MAOB: variants seen among roughly 807,000 people sequenced by gnomAD.
The protein encoded by MAOB is amine oxidase [flavin-containing] B.
Under a neutral mutation model 41.9 loss-of-function variants are expected in MAOB, and 15 were observed. The ratio of observed to expected loss-of-function variants is 0.36; its 90% confidence interval spans 0.24 to 0.55. The LOEUF (loss-of-function observed/expected upper bound fraction) is 0.55, where lower values mean the gene tolerates loss of function less well. MAOB is among the 20% of genes least tolerant of loss of function. MAOB has a pLI of 0.86. For missense variants in MAOB, 345 were observed against 398.7 expected, an observed-to-expected ratio of 0.87 and a Z score of 1.15; for synonymous variants, 167 against 144.2, an observed-to-expected ratio of 1.16 and a Z score of -1.13.
At position 43,767,493 on chromosome X, in the gene MAOB, G is replaced by C; in HGVS notation, c.1536C>G (p.His512Gln). The change falls in exon 15 of 15, where the codon CAC becomes CAG. Residue 512 changes from histidine to glutamine, a missense_variant. By Grantham distance (24) the His-to-Gln change is conservative (BLOSUM62 0). Coordinates refer to ENST00000378069, the MANE Select transcript of MAOB (RefSeq NM_000898.5). ...AGACTCTCACAAGTAGCCCCCTTTT[G>C]TGGGCCAGGAAGCCAAGAGCCGTTG... ...FSATALGFLA[H>Q]KRGLLVRV 1.7e-6 allele frequency: 2 copies of C among 1,210,205 alleles called. No individual in the cohort carries two copies. The highest frequency in any genetic ancestry group is 2.2e-6 in the Non-Finnish European group (2 of 894,900).
At chrX:43,816,063 G>A (rs1279229868) in intron 3 of MAOB, among the ~76,000 whole-genome samples, 1 of 111,820 alleles carries the variant, frequency 8.9e-6, no homozygotes, top group Admixed American at 9.5e-5. Context: ...ACTCCTAATA[G>A]CATGATTGAA....
At chrX:43,788,014 T>C (rs1027831761) in intron 8 of MAOB, among the ~76,000 whole-genome samples, 1 of 111,397 alleles carries the variant, frequency 9.0e-6, no homozygotes, top group Admixed American at 9.6e-5. Flanking sequence ...GGGTAATATA[T>C]GAAGGAAAGA....
chrX:43,808,685 T>G (rs1330064649), intron 3 of MAOB, among the ~76,000 whole-genome samples: 22 of 98,928 alleles, frequency 2.2e-4, no homozygotes, highest in South Asian at 1.4e-3. Flanking sequence ...TATCTATATC[T>G]ATATCTACAC....
chrX:43,773,013 G>A (rs946052358), intron 12 of MAOB, among the ~76,000 whole-genome samples: 1 of 111,954 alleles, frequency 8.9e-6, no homozygotes, highest in Non-Finnish European at 1.9e-5. Context: ...TTCTTTATAA[G>A]TTCCCCAGAC....
intron 5 of MAOB, among the ~76,000 whole-genome samples, chrX:43,800,002 T>A (rs1430655068): frequency 8.9e-6 from 1 of 112,036 alleles, no homozygotes; most frequent in African/African-American, 3.2e-5. Context: ...GAATGTATGA[T>A]TGTGCTTTAG....
chrX:43,777,563 G>GAA (rs1170030807), intron 11 of MAOB, among the ~76,000 whole-genome samples: 1 of 111,428 alleles, frequency 9.0e-6, no homozygotes, highest in Non-Finnish European at 1.9e-5. Flanking sequence ...TTAAAATAGT[G>GAA]AACAAAAATG....
intron 3 of MAOB, among the ~76,000 whole-genome samples, chrX:43,824,763 G>A (rs191115446): frequency 1.7e-3 from 187 of 112,937 alleles, no homozygotes; most frequent in African/African-American, 5.1e-3. Context: ...GTGAATTGCC[G>A]TCCATGAAGA....
At chrX:43,801,397 C>A (rs1038834657) in intron 5 of MAOB, among the ~76,000 whole-genome samples, 3 of 111,329 alleles carry the variant, frequency 2.7e-5, no homozygotes, top group African/African-American at 9.8e-5. Context: ...AAGACATTAA[C>A]CCCCGAGCCA....
At chrX:43,830,075 TA>T (rs1209994679) in intron 3 of MAOB, among the ~76,000 whole-genome samples, 1 of 112,449 alleles carries the variant, frequency 8.9e-6, no homozygotes, top group Non-Finnish European at 1.9e-5. Context: ...AAATGTATTA[TA>T]AAAATTAGTT....
intron 5 of MAOB, among the ~76,000 whole-genome samples, chrX:43,801,626 C>A (rs1419710129): frequency 8.9e-6 from 1 of 112,392 alleles, no homozygotes; most frequent in Non-Finnish European, 1.9e-5. Flanking sequence ...GTTCTGCCAA[C>A]AAGAATTTAA....
intron 3 of MAOB, among the ~76,000 whole-genome samples, chrX:43,819,107 A>G (rs904875283): frequency 2.3e-4 from 26 of 112,001 alleles, no homozygotes; most frequent in Non-Finnish European, 7.5e-5. Context: ...AAAAGCCCCA[A>G]TAAACAAAGT....
intron 2 of MAOB, among the ~76,000 whole-genome samples, chrX:43,841,359 A>G (rs2035135078): frequency 8.9e-6 from 1 of 112,010 alleles, no homozygotes; most frequent in Non-Finnish European, 1.9e-5. Context: ...TTTTAAAAAA[A>G]TAAAAGCTGA....
intron 14 of MAOB, among the ~76,000 whole-genome samples, chrX:43,767,828 T>A (rs1488505097): frequency 8.9e-6 from 1 of 111,769 alleles, no homozygotes; most frequent in Non-Finnish European, 1.9e-5. Context: ...GACCCCAGCC[T>A]AGGATGACAT....
intron 3 of MAOB, among the ~76,000 whole-genome samples, chrX:43,823,931 C>T (rs2034913423): frequency 8.9e-6 from 1 of 112,322 alleles, no homozygotes; most frequent in Non-Finnish European, 1.9e-5. Flanking sequence ...GAGATATTGT[C>T]TCATATGATG....
chrX:43,874,650 T>C (rs953644732), intron 1 of MAOB, among the ~76,000 whole-genome samples: 1 of 111,565 alleles, frequency 9.0e-6, no homozygotes, highest in Middle Eastern at 4.2e-3. Context: ...CTAGACAAGC[T>C]GGACTTTCTA....
chrX:43,816,255 G>A (rs1022907016), intron 3 of MAOB, among the ~76,000 whole-genome samples: 4 of 111,787 alleles, frequency 3.6e-5, no homozygotes, highest in African/African-American at 6.5e-5. Context: ...GGGCTGTAGC[G>A]GGATGAAAGC....
At chrX:43,867,622 A>G (rs2035374036) in intron 1 of MAOB, among the ~76,000 whole-genome samples, 1 of 112,250 alleles carries the variant, frequency 8.9e-6, no homozygotes, top group Non-Finnish European at 1.9e-5. Context: ...TATACTGTAC[A>G]GACCACCTTA....
At chrX:43,837,969 C>T in intron 3 of MAOB, 3 of 331,062 alleles carry the variant, frequency 9.1e-6, no homozygotes, top group South Asian at 5.2e-5. Flanking sequence ...GTCTGAGGAC[C>T]AGCAGCATGG....
At chrX:43,780,433 G>A (rs760366350) in intron 9 of MAOB, 38 bp from the exon 10 acceptor site, 13 of 1,062,783 alleles carry the variant, frequency 1.2e-5, no homozygotes, top group Non-Finnish European at 1.7e-5. Flanking sequence ...AGAAATTAAT[G>A]GTTGGTTTCA....
Sources: gnomAD v4.1 joint callset for allele counts (sites outside exome capture counted in the v4.1 genomes callset) on GRCh38, gnomAD v4.1.1 for gene constraint, MANE v1.5 for transcripts, NCBI Gene and HGNC (gene_info 2026-07-23, HGNC 2026-07-21) for gene names.